Variants in KCNK2 observed in about 807,000 individuals in gnomAD.
KCNK2 encodes potassium two pore domain channel subfamily K member 2.
In KCNK2, 21 loss-of-function variants were observed where a neutral mutation model predicts 40.5. That is an observed-to-expected ratio of 0.52 (90% CI 0.37 to 0.75). KCNK2 has a LOEUF of 0.75. Among genes scored for constraint, KCNK2 ranks in the 30% least tolerant of loss-of-function variants. The probability of loss-of-function intolerance (pLI) is 0.00; values close to 1 mark genes in which losing one functional copy is unlikely to be tolerated. For synonymous variants in KCNK2, 191 were observed against 202.2 expected (o/e 0.94, Z 0.47); for missense variants, 399 against 531.6 (o/e 0.75, Z 2.45).
At chr1:215,159,776 A>G (rs1663112816) in intron 3 of KCNK2, among the ~76,000 whole-genome samples, 1 of 152,212 alleles carries the variant, frequency 6.6e-6, no homozygotes, top group African/African-American at 2.4e-5. Context: ...AGAAAAGAAA[A>G]GTAACTTTTC....
At chr1:215,147,551 G>A (rs888367684) in intron 3 of KCNK2, among the ~76,000 whole-genome samples, 5 of 152,008 alleles carry the variant, frequency 3.3e-5, no homozygotes, top group African/African-American at 1.2e-4. Flanking sequence ...ACGAGATGTG[G>A]CCTGGCGCAG....
At position 215,181,565 on chromosome 1, in the gene KCNK2, C is replaced by A. The variant is rs373799330; in HGVS notation, c.823+9382C>A. Among the ~76,000 whole-genome samples the A allele has an allele frequency of 3.8e-4, 58 of 152,160 alleles. 1 individual carries two copies. The South Asian group carries it at 5.8e-3, about 15-fold the overall frequency. On this transcript the variant is annotated intron_variant, in intron 5 of 6. Transcript: ENST00000444842. ...TTCTCTATAATGTTGCTATGTTCCT[C>A]TTTTCTTTCCTCCTCTCCCCTGCTT...
chr1:215,036,270 T>C (rs1342193344), intron 1 of KCNK2, among the ~76,000 whole-genome samples: 2 of 151,726 alleles, frequency 1.3e-5, no homozygotes, highest in Non-Finnish European at 1.5e-5. Context: ...TATCCAGTTG[T>C]TCCAGCACTA....
chr1:215,032,354 G>A (rs558302471), intron 1 of KCNK2, among the ~76,000 whole-genome samples: 1 of 152,092 alleles, frequency 6.6e-6, no homozygotes, highest in South Asian at 2.1e-4. Context: ...GCTGCAGTGA[G>A]CTGTGATCAT....
At position 215,235,037 on chromosome 1, in the gene KCNK2, C is replaced by A. The variant is rs552337588; in HGVS notation, c.1173C>A (p.Ser391Arg). The A allele has an allele frequency of 1.2e-6, 2 of 1,613,914 alleles. No individual in the cohort carries two copies. Among genetic ancestry groups the A allele is most frequent in the South Asian group, 1.1e-5 (1 of 91,066 alleles). ...CCCTGTCAGTGAACCACCTGACCAGCGAGAGGGATGTCTTGCCTCCCTTAC... is the reference window on the plus strand; with the variant it reads ...CCCTGTCAGTGAACCACCTGACCAGAGAGAGGGATGTCTTGCCTCCCTTAC... ...RRTLSVNHLT[S>R]ERDVLPPLLK... Residue 391 changes from serine (S) to arginine (R), a missense_variant, in exon 7 of 7, where the codon AGC becomes AGA. Ser to Arg is a moderately radical substitution (Grantham distance 110). Around this residue, in one of 3 missense-constraint regions of KCNK2, gnomAD observed 103 missense variants for 124.3 expected, o/e 0.83. Coordinates refer to ENST00000444842, the MANE Select transcript of KCNK2 (RefSeq NM_001017425.3).
intron 1 of KCNK2, among the ~76,000 whole-genome samples, chr1:215,085,685 TA>T (rs1659400533): frequency 1.3e-5 from 2 of 152,216 alleles, no homozygotes; most frequent in Admixed American, 6.5e-5. Context: ...CTTTTATTGG[TA>T]AAACATGTCC....
At chr1:215,065,949 G>A (rs1394747965) in intron 1 of KCNK2, among the ~76,000 whole-genome samples, 2 of 152,072 alleles carry the variant, frequency 1.3e-5, no homozygotes, top group African/African-American at 4.8e-5. Flanking sequence ...TGGGCAACAT[G>A]GTAAGACTGT....
Position 215,212,181 on chromosome 1 carries a change from G to A in KCNK2, c.963+17089G>A, listed in dbSNP as rs114399188. Reference sequence around the variant, plus strand: ...GGAATATTTCATTTTTATTCCTGATGTGATGGTATTATGGCTGGAAGCTTT... The same window carrying A: ...GGAATATTTCATTTTTATTCCTGATATGATGGTATTATGGCTGGAAGCTTT... On this transcript the variant is annotated intron_variant, in intron 6 of 6. Coordinates refer to ENST00000444842, the MANE Select transcript of KCNK2 (RefSeq NM_001017425.3). Among the ~76,000 whole-genome samples, 1,243 of 152,150 alleles carry A rather than the reference G, an allele frequency of 8.2e-3. 24 individuals are homozygous for A. The highest frequency in any genetic ancestry group is 0.028 in the African/African-American group (1,160 of 41,510).
At chr1:215,209,983 TATATAATATATAATATATATTA>T in intron 6 of KCNK2, among the ~76,000 whole-genome samples, 2 of 3,560 alleles carry the variant, frequency 5.6e-4, no homozygotes, top group Non-Finnish European at 2.0e-3. Flanking sequence ...ATATATATTA[TATATAATATATAATATATATTA>T]TATATAATAT....
intron 6 of KCNK2, among the ~76,000 whole-genome samples, chr1:215,214,390 C>T (rs1665872937): frequency 1.3e-5 from 2 of 152,148 alleles, no homozygotes; most frequent in South Asian, 4.1e-4. Flanking sequence ...CAGCTCCCAC[C>T]AGGTCCCACC....
chr1:215,208,776 C>T (rs1247041184), intron 6 of KCNK2, among the ~76,000 whole-genome samples: 7 of 151,942 alleles, frequency 4.6e-5, no homozygotes, highest in South Asian at 2.1e-4. Context: ...GAATTTCTCA[C>T]GAATGTCAAA....
chr1:215,163,946 G>A (rs946681525), intron 3 of KCNK2, among the ~76,000 whole-genome samples: 7 of 152,110 alleles, frequency 4.6e-5, no homozygotes, highest in African/African-American at 1.4e-4. Flanking sequence ...AATGAGTTAG[G>A]GAAGAGTCCC....
At chr1:215,159,004 C>T (rs1412381208) in intron 3 of KCNK2, among the ~76,000 whole-genome samples, 1 of 152,082 alleles carries the variant, frequency 6.6e-6, no homozygotes, top group Non-Finnish European at 1.5e-5. Flanking sequence ...AAATGGTTCA[C>T]CCTCCCAAGT....
At chr1:215,033,752 G>T (rs1477945748) in intron 1 of KCNK2, among the ~76,000 whole-genome samples, 1 of 152,174 alleles carries the variant, frequency 6.6e-6, no homozygotes, top group Non-Finnish European at 1.5e-5. Flanking sequence ...AACCCCAGCA[G>T]GTAGGCTGTG....
At chr1:215,212,770 C>T (rs1665793991) in intron 6 of KCNK2, among the ~76,000 whole-genome samples, 1 of 152,164 alleles carries the variant, frequency 6.6e-6, no homozygotes, top group Admixed American at 6.5e-5. Flanking sequence ...TTTCTTCTTC[C>T]AGTGGAAATT....
At chr1:215,062,296 G>T (rs1313884459) in intron 1 of KCNK2, among the ~76,000 whole-genome samples, 2 of 152,096 alleles carry the variant, frequency 1.3e-5, no homozygotes, top group Non-Finnish European at 2.9e-5. Context: ...AACAAAGGCA[G>T]TCAGTACTGG....
chr1:215,026,360 T>G (rs1656999746), intron 1 of KCNK2, among the ~76,000 whole-genome samples: 1 of 152,054 alleles, frequency 6.6e-6, no homozygotes, highest in Admixed American at 6.6e-5. Flanking sequence ...GTTTCTTTCC[T>G]GGTCTTCCCC....
At position 215,083,374 on chromosome 1, in the gene KCNK2, G is replaced by C. The variant is rs1306574177; in HGVS notation, c.-12G>C. The C allele has an allele frequency of 6.2e-7, 1 of 1,614,000 alleles. No individual in the cohort carries two copies. The highest frequency in any genetic ancestry group is 1.3e-5 in the African/African-American group (1 of 74,926). ...GTCTTTTTCAAAAAACATTTTGAAT[G>C]CTGCATGCCTCATGCTTCCCAGCGC... On this transcript the variant is annotated 5_prime_UTR_variant, in exon 1 of 7. An upstream start codon of the reference 5' UTR is lost. Coordinates refer to ENST00000444842, the MANE Select transcript of KCNK2 (RefSeq NM_001017425.3).
At chr1:215,234,012 G>T (rs73086005) in intron 6 of KCNK2, among the ~76,000 whole-genome samples, 2,954 of 152,218 alleles carry the variant, frequency 0.019, 89 homozygotes, top group African/African-American at 0.067. Context: ...CTTGCAGTTT[G>T]TAAAGTTCAT....
Sources: allele counts gnomAD v4.1 joint callset (sites outside exome capture counted in the v4.1 genomes callset), GRCh38; gene constraint gnomAD v4.1.1; regional missense constraint gnomAD v4.1.1; transcripts MANE v1.5; gene names NCBI Gene and HGNC (gene_info 2026-07-23, HGNC 2026-07-21).